PIGN: variants seen among roughly 807,000 people sequenced by gnomAD.
PIGN encodes GPI ethanolamine phosphate transferase 1.
In PIGN, 117 loss-of-function variants were observed where a neutral mutation model predicts 125.4. That is an observed-to-expected ratio of 0.93 (90% CI 0.80 to 1.09). PIGN has a LOEUF of 1.09. Ranked by LOEUF, PIGN falls within the 50% of genes least tolerant of loss-of-function variation. The pLI is 0.00. For synonymous variants in PIGN, 392 were observed against 377.8 expected, an observed-to-expected ratio of 1.04 and a Z score of -0.44; for missense variants, 1,075 against 1,094.9, an observed-to-expected ratio of 0.98 and a Z score of 0.26.
At chr18:62,161,495 T>C in intron 3 of PIGN, 110 bp from the exon 4 acceptor site, 1 of 567,572 alleles carries the variant, frequency 1.8e-6, no homozygotes, top group Non-Finnish European at 3.1e-6. Context: ...AATTATTATA[T>C]AACTCACAAC....
intron 29 of PIGN, among the ~76,000 whole-genome samples, 188 bp downstream of exon 29, chr18:62,074,591 A>G (rs1599458084): frequency 6.6e-6 from 1 of 152,218 alleles, no homozygotes; most frequent in Non-Finnish European, 1.5e-5. Context: ...AAGACTTTTG[A>G]CACCTGAAGA....
At chr18:62,098,444 AG>A (rs2034300063) in intron 22 of PIGN, among the ~76,000 whole-genome samples, 1 of 152,330 alleles carries the variant, frequency 6.6e-6, no homozygotes, top group Non-Finnish European at 1.5e-5. Flanking sequence ...AAAAATAAAA[AG>A]CAAATAATAA....
chr18:62,146,793 G>C (rs1056166670), intron 9 of PIGN, among the ~76,000 whole-genome samples, 178 bp downstream of exon 9: 2 of 152,072 alleles, frequency 1.3e-5, no homozygotes. Flanking sequence ...TTTAGTTAGA[G>C]AAAATATTTT....
rs771595900 is a variant in PIGN at position 62,045,919 on chromosome 18, C to G, written c.2733G>C (p.Leu911=). The G allele has an allele frequency of 2.9e-5, 46 of 1,613,524 alleles. No homozygotes were observed. In the Middle Eastern group the frequency reaches 4.9e-4, roughly 17 times the overall value. The change falls in exon 31 of 31, where the codon CTG becomes CTC. Residue 911 remains leucine (L), a synonymous_variant. Coordinates refer to ENST00000640252, the MANE Select transcript of PIGN (RefSeq NM_176787.5). ...MTIFLVFLNG[L]AQLLTTKKLR... is the part of the protein sequence containing the mutation. Reference sequence around the variant, plus strand: ...GTTTCTTCGTTGTGAGCAGCTGGGCCAGGCCATTGAGGAACACCAAAAAGA... The same window carrying G: ...GTTTCTTCGTTGTGAGCAGCTGGGCGAGGCCATTGAGGAACACCAAAAAGA...
chr18:62,178,014 T>G (rs2037585934), intron 1 of PIGN, among the ~76,000 whole-genome samples: 2 of 152,104 alleles, frequency 1.3e-5, no homozygotes, highest in African/African-American at 4.8e-5. Context: ...ATGCATTACA[T>G]GTAATTTTTG....
chr18:62,034,923 G>A (rs923328989), intron 23 of PIGN, among the ~76,000 whole-genome samples: 2 of 152,114 alleles, frequency 1.3e-5, no homozygotes, highest in Admixed American at 6.6e-5. Flanking sequence ...GGGGCCGGGG[G>A]AGAATGCTAT....
At chr18:62,072,625 C>T (rs1352333503) in intron 30 of PIGN, 48 bp downstream of exon 30, 2 of 1,411,170 alleles carry the variant, frequency 1.4e-6, no homozygotes, top group East Asian at 4.6e-5. Context: ...ATATATTTCT[C>T]AGAACTTATC....
intron 1 of PIGN, among the ~76,000 whole-genome samples, chr18:62,182,770 G>A (rs1211037929): frequency 2.6e-5 from 4 of 151,870 alleles, no homozygotes; most frequent in Non-Finnish European, 4.4e-5. Flanking sequence ...TGTCTTTAAA[G>A]TCAAAAGACA....
At chr18:62,133,767 T>C (rs2035825734) in intron 14 of PIGN, among the ~76,000 whole-genome samples, 1 of 152,234 alleles carries the variant, frequency 6.6e-6, no homozygotes, top group African/African-American at 2.4e-5. Context: ...GATTAGAATA[T>C]CTATTTATTT....
At chr18:62,055,715 G>A (rs1178807645) in intron 30 of PIGN, among the ~76,000 whole-genome samples, 1 of 151,974 alleles carries the variant, frequency 6.6e-6, no homozygotes, top group Non-Finnish European at 1.5e-5. Context: ...CTATAATAAT[G>A]TTAAAATGAA....
rs1056321114 is a variant in PIGN at position 62,045,353 on chromosome 18, C to G, written c.*503G>C. The G allele has an allele frequency of 6.6e-6, 1 of 152,304 alleles. No homozygotes were observed. Among genetic ancestry groups the G allele is most frequent in the African/African-American group, 2.4e-5 (1 of 41,444 alleles). The allele number at this position is 152,304 out of a possible 1,614,324, so 9.4% of individuals were successfully genotyped here. On this transcript the variant is annotated 3_prime_UTR_variant, in exon 31 of 31. Coordinates refer to ENST00000640252, the MANE Select transcript of PIGN (RefSeq NM_176787.5). ...GAAATATGACAAATACCTGCAAACA[C>G]TTTTTTTATTGAAGCTCTTGAAATA...
chr18:62,185,109 G>A (rs550548425), intron 1 of PIGN, among the ~76,000 whole-genome samples: 8 of 152,270 alleles, frequency 5.3e-5, no homozygotes, highest in African/African-American at 1.9e-4. Context: ...TCATGGAGAT[G>A]GAAATATTGT....
At chr18:62,076,250 C>T (rs1335033716) in intron 28 of PIGN, among the ~76,000 whole-genome samples, 1 of 152,152 alleles carries the variant, frequency 6.6e-6, no homozygotes, top group Non-Finnish European at 1.5e-5. Flanking sequence ...GTTTTACATG[C>T]ATTCCTTTAA....
At chr18:62,093,446 T>C (rs2034052979) in intron 23 of PIGN, among the ~76,000 whole-genome samples, 1 of 152,078 alleles carries the variant, frequency 6.6e-6, no homozygotes, top group Non-Finnish European at 1.5e-5. Flanking sequence ...GAAAACTTAC[T>C]AAATTAGGAT....
intron 28 of PIGN, among the ~76,000 whole-genome samples, chr18:62,077,838 T>G (rs1218492714): frequency 6.6e-6 from 1 of 152,308 alleles, no homozygotes; most frequent in African/African-American, 2.4e-5. Context: ...ATAAATTTCC[T>G]CATAGTTCTG....
chr18:62,036,672 GC>G (rs2030265755), downstream of PIGN, among the ~76,000 whole-genome samples: 5 of 152,302 alleles, frequency 3.3e-5, no homozygotes, highest in South Asian at 2.1e-4. Flanking sequence ...GCCATATTAT[GC>G]CCTTCTTTTT....
chr18:62,179,872 T>G (rs2147961257), intron 1 of PIGN, among the ~76,000 whole-genome samples: 1 of 152,324 alleles, frequency 6.6e-6, no homozygotes, highest in East Asian at 1.9e-4. Flanking sequence ...TTTACCAGTA[T>G]AGATGCAAAG....
intron 14 of PIGN, among the ~76,000 whole-genome samples, chr18:62,132,204 A>C (rs1390511913): frequency 6.6e-6 from 1 of 152,192 alleles, no homozygotes; most frequent in African/African-American, 2.4e-5. Context: ...AAAGTGATTA[A>C]AAAGAAATAT....
At chr18:62,184,209 T>C (rs2037816732) in intron 1 of PIGN, among the ~76,000 whole-genome samples, 1 of 152,226 alleles carries the variant, frequency 6.6e-6, no homozygotes, top group East Asian at 1.9e-4. Flanking sequence ...CTTGTGGTTC[T>C]TTTAAGACTA....
Sources: gnomAD v4.1 joint callset for allele counts (sites outside exome capture counted in the v4.1 genomes callset) on GRCh38, gnomAD v4.1.1 for gene constraint, MANE v1.5 for transcripts, NCBI Gene and HGNC (gene_info 2026-07-23, HGNC 2026-07-21) for gene names.